Variants in PHLPP1 observed in about 807,000 individuals in gnomAD.
PHLPP1 encodes PH domain and leucine rich repeat protein phosphatase 1.
PHLPP1 carries 42 observed loss-of-function variants against 117.2 expected under a neutral mutation model. That is an observed-to-expected ratio of 0.36 (90% CI 0.28 to 0.46). The LOEUF (loss-of-function observed/expected upper bound fraction) is 0.46. Ranked by LOEUF, PHLPP1 falls within the 20% of genes least tolerant of loss-of-function variation. The pLI, the probability that PHLPP1 is intolerant of heterozygous loss-of-function variation, is 1.00. For missense variants in PHLPP1, 2,084 were observed against 2,241.9 expected (o/e 0.93, Z 1.42); for synonymous variants, 1,042 against 970.7 (o/e 1.07, Z -1.37).
intron 16 of PHLPP1, among the ~76,000 whole-genome samples, 198 bp downstream of exon 16, chr18:62,975,823 T>A (rs1248516189): frequency 6.6e-6 from 1 of 152,252 alleles, no homozygotes; most frequent in African/African-American, 2.4e-5. Flanking sequence ...CCTCTCTGCA[T>A]CAGGCACTGT....
intron 4 of PHLPP1, among the ~76,000 whole-genome samples, chr18:62,863,429 T>C (rs1453628896): frequency 6.6e-6 from 1 of 152,058 alleles, no homozygotes; most frequent in East Asian, 1.9e-4. Context: ...TCTTGAACTC[T>C]TGGACTCAAG....
intron 1 of PHLPP1, among the ~76,000 whole-genome samples, chr18:62,772,595 C>T (rs1039318140): frequency 1.1e-4 from 16 of 151,840 alleles, no homozygotes; most frequent in Non-Finnish European, 1.5e-5. Context: ...TTGGGGAGGC[C>T]GATGTGGGTG....
At chr18:62,847,278 A>G (rs1915204569) in intron 3 of PHLPP1, among the ~76,000 whole-genome samples, 1 of 151,884 alleles carries the variant, frequency 6.6e-6, no homozygotes, top group Admixed American at 6.6e-5. Flanking sequence ...GCAAGGAGAG[A>G]TGGGGAGAGG....
At chr18:62,937,349 G>A (rs999120706) in intron 10 of PHLPP1, among the ~76,000 whole-genome samples, 13 of 152,230 alleles carry the variant, frequency 8.5e-5, no homozygotes, top group Non-Finnish European at 1.6e-4. Flanking sequence ...ACTCTATGCT[G>A]AGAGAAGTTC....
At chr18:62,890,256 A>G (rs1347189131) in intron 4 of PHLPP1, among the ~76,000 whole-genome samples, 1 of 151,768 alleles carries the variant, frequency 6.6e-6, no homozygotes, top group Non-Finnish European at 1.5e-5. Context: ...TTATTTATTT[A>G]TAAATAATTT....
At chr18:62,963,338 T>C (rs749613222) in intron 13 of PHLPP1, 30 bp from the exon 14 acceptor site, 2 of 1,492,354 alleles carry the variant, frequency 1.3e-6, no homozygotes, top group South Asian at 2.3e-5. Flanking sequence ...GTTTTAATGA[T>C]TCCTGTTCCC....
rs367785888 is a variant in PHLPP1 at position 62,978,338 on chromosome 18, G to A, written c.4061G>A (p.Arg1354His). Residue 1354 changes from arginine (R) to histidine (H), a missense_variant, in exon 17 of 17, where the codon CGC (arginine) becomes CAC (histidine). This residue lies in a region of PHLPP1 where 1,365 missense variants were observed against 1,605.9 expected (regional missense o/e 0.85). Coordinates refer to ENST00000262719, the MANE Select transcript of PHLPP1 (RefSeq NM_194449.4). This position sits in a 1 kb window ranked among gnomAD's most constrained non-coding sequence, Gnocchi z 7.0. ...TTCCTCCATCCCAGTGTGGTGCCTC[G>A]CCCCCACGTGCAGTCCGTGCTCCTG... ...YTFLHPSVVP[R>H]PHVQSVLLTP... 5.6e-6 allele frequency: 9 copies of A among 1,612,824 alleles called. No homozygotes were observed. The highest frequency in any genetic ancestry group is 1.7e-4 in the Middle Eastern group (1 of 6,056).
intron 1 of PHLPP1, among the ~76,000 whole-genome samples, chr18:62,730,509 A>G (rs1010573772): frequency 2.0e-5 from 3 of 150,812 alleles, no homozygotes; most frequent in African/African-American, 7.3e-5. Context: ...GAGAGAGAAA[A>G]AAAAAGGTGA....
chr18:62,933,840 A>C (rs1641168793), intron 10 of PHLPP1, among the ~76,000 whole-genome samples: 1 of 152,170 alleles, frequency 6.6e-6, no homozygotes. Context: ...ATATTTGCAA[A>C]CTATGCAACT....
intron 6 of PHLPP1, among the ~76,000 whole-genome samples, chr18:62,899,694 A>G (rs1312594758): frequency 6.6e-6 from 1 of 152,194 alleles, no homozygotes; most frequent in Non-Finnish European, 1.5e-5. Context: ...CGTTGTCACC[A>G]TCACCATAGC....
chr18:62,933,018 A>G (rs556642872), intron 10 of PHLPP1, among the ~76,000 whole-genome samples: 2 of 152,302 alleles, frequency 1.3e-5, no homozygotes, highest in South Asian at 4.1e-4. Context: ...TACAATAGCA[A>G]AAAAATGAAA....
intron 12 of PHLPP1, among the ~76,000 whole-genome samples, chr18:62,958,043 C>A (rs1361620921): frequency 6.6e-6 from 1 of 152,046 alleles, no homozygotes; most frequent in African/African-American, 2.4e-5. Flanking sequence ...ATGTGTCAGC[C>A]ACCTTGAATA....
intron 1 of PHLPP1, among the ~76,000 whole-genome samples, chr18:62,819,941 C>A (rs1390521255): frequency 1.3e-5 from 2 of 152,110 alleles, no homozygotes; most frequent in Non-Finnish European, 2.9e-5. Flanking sequence ...AACCTCTGTG[C>A]CTGGCCAAGA....
In PHLPP1 at chr18:62,978,956, G is replaced by T; in HGVS notation, c.4679G>T (p.Gly1560Val). ...CCCATCGAGGGCGTCTTCACCAACG[G>T]CAGCCGGGTGGAGGTGGAGGTGGAC... is the stretch of plus-strand genomic sequence containing the variant. ...EEPIEGVFTNGSRVEVEVDIH... is the reference protein window; with the variant it reads ...EEPIEGVFTNVSRVEVEVDIH... The change falls in exon 17 of 17, where the codon GGC (glycine) becomes GTC (valine). Residue 1560 changes from glycine (G) to valine (V), a missense_variant. Coordinates refer to ENST00000262719, the MANE Select transcript of PHLPP1 (RefSeq NM_194449.4). The surrounding 1 kb of genome is among the most constrained non-coding windows in gnomAD (Gnocchi z 7.0). The T allele has an allele frequency of 1.2e-6, 2 of 1,610,210 alleles. No homozygotes were observed. Among genetic ancestry groups the T allele is most frequent in the Non-Finnish European group, 1.7e-6 (2 of 1,178,414 alleles).
At chr18:62,723,481 A>C (rs1453110689) in intron 1 of PHLPP1, among the ~76,000 whole-genome samples, 1 of 152,228 alleles carries the variant, frequency 6.6e-6, no homozygotes. Context: ...TTTTTCTCAC[A>C]TTCTGTTTAA....
intron 4 of PHLPP1, among the ~76,000 whole-genome samples, chr18:62,893,550 G>A (rs946786535): frequency 2.6e-5 from 4 of 152,198 alleles, no homozygotes; most frequent in African/African-American, 9.7e-5. Flanking sequence ...TACATGGTCA[G>A]CTTTCCATTT....
chr18:62,736,937 C>T (rs1034606112), intron 1 of PHLPP1, among the ~76,000 whole-genome samples: 4 of 152,138 alleles, frequency 2.6e-5, no homozygotes, highest in Non-Finnish European at 5.9e-5. Flanking sequence ...GGCTATCAGA[C>T]AGAAGTGAGG....
chr18:62,788,589 G>A lies in PHLPP1; in HGVS notation c.1577-41446G>A, dbSNP rs566840127. On this transcript the variant is annotated intron_variant, in intron 1 of 16. Transcript: ENST00000262719. ...TGTTTTTTTTTGTTTTTGTCAAAGA[G>A]CTGTTCTTGTTCAGTCTACCAAGGT... is the stretch of plus-strand genomic sequence containing the variant. Among the ~76,000 whole-genome samples, 68 of 152,058 alleles carry A rather than the reference G, an allele frequency of 4.5e-4. 1 individual carries two copies. The highest frequency in any genetic ancestry group is 1.4e-3 in the African/African-American group (57 of 41,522).
chr18:62,801,025 C>T (rs1336878704), intron 1 of PHLPP1, among the ~76,000 whole-genome samples: 3 of 35,670 alleles, frequency 8.4e-5, no homozygotes, highest in Non-Finnish European at 1.2e-4. Flanking sequence ...CCCTCCCTCC[C>T]TCCCTCCCTC....
Sources: allele counts gnomAD v4.1 joint callset (sites outside exome capture counted in the v4.1 genomes callset), GRCh38; gene constraint gnomAD v4.1.1; regional missense constraint gnomAD v4.1.1; non-coding constraint Gnocchi (gnomAD v3.1); transcripts MANE v1.5; gene names NCBI Gene and HGNC (gene_info 2026-07-23, HGNC 2026-07-21).